The following NOMO1 variants were observed in gnomAD, a reference collection of about 807,000 sequenced individuals.
NOMO1 encodes nodal modulator 3.
A neutral mutation model predicts 133.8 loss-of-function variants in NOMO1; 40 were observed. The ratio of observed to expected loss-of-function variants is 0.30; its 90% CI spans 0.23 to 0.39. The LOEUF is 0.39. NOMO1 is among the 10% of genes least tolerant of loss of function. NOMO1 has a pLI of 1.00. For missense variants in NOMO1, 462 were observed against 1,419.9 expected, an observed-to-expected ratio of 0.33 and a Z score of 10.84; for synonymous variants, 236 against 570.5, an observed-to-expected ratio of 0.41 and a Z score of 8.36.
chr16:14,895,609 G>T lies in NOMO1; in HGVS notation c.3633G>T (p.Lys1211Asn). 6.2e-7 allele frequency: 1 copy of T among 1,612,054 alleles called. No homozygotes were observed. The highest frequency in any genetic ancestry group is 1.7e-5 in the Admixed American group (1 of 60,028). Residue 1211 changes from lysine (K) to asparagine (N), a missense_variant, in exon 31 of 31, where the codon AAG becomes AAT. Coordinates refer to ENST00000287667, the MANE Select transcript of NOMO1 (RefSeq NM_014287.4). The part of the protein sequence containing the change: ...ASDNSGPEDA[K>N]RQAKKQKTRR... ...ACAATAGCGGCCCAGAAGATGCAAA[G>T]AGACAAGCCAAGAAACAGAAGACAA...
chr16:14,868,806 AC>A (rs1327385383), intron 16 of NOMO1, among the ~76,000 whole-genome samples, 171 bp downstream of exon 16: 2 of 150,818 alleles, frequency 1.3e-5, no homozygotes, highest in Non-Finnish European at 2.9e-5. Context: ...TTGGGTAGAC[AC>A]CACTGGGCCC....
At chr16:14,882,812 T>C in intron 26 of NOMO1, 135 bp downstream of exon 26, 1 of 1,506,918 alleles carries the variant, frequency 6.6e-7, no homozygotes, top group Non-Finnish European at 9.0e-7. Flanking sequence ...CCTCTTAGAA[T>C]AGTGTCATCT....
In NOMO1 at chr16:14,864,995, C is replaced by T. The variant is rs758331765; in HGVS notation, c.1538-29C>T. 2.5e-6 allele frequency: 4 copies of T among 1,609,256 alleles called. No individual in the cohort carries two copies. The South Asian group carries it at 4.4e-5, about 18-fold the overall frequency. ...TGTGCTGAAGCCTTATAAGGGGTCA[C>T]ATGGAGCCCTCCCTTCTTTTCCCTG... On this transcript the variant is annotated intron_variant, in intron 13 of 30. Transcript: ENST00000287667.
chr16:14,874,704 A>C (rs1964128929), intron 18 of NOMO1, among the ~76,000 whole-genome samples: 1 of 152,010 alleles, frequency 6.6e-6, no homozygotes, highest in South Asian at 2.1e-4. Flanking sequence ...CTATCAGAGC[A>C]GTTCTCAGCG....
intron 1 of NOMO1, among the ~76,000 whole-genome samples, chr16:14,836,857 C>T (rs1441152076): frequency 6.6e-6 from 1 of 151,132 alleles, no homozygotes; most frequent in Admixed American, 6.6e-5. Context: ...AGGCGCCCGC[C>T]ACCGCGCCCG....
At chr16:14,850,292 G>A (rs879176041) in intron 6 of NOMO1, among the ~76,000 whole-genome samples, 1 of 151,960 alleles carries the variant, frequency 6.6e-6, no homozygotes, top group African/African-American at 2.4e-5. Flanking sequence ...GAAAAATTAT[G>A]AAGACATGTA....
intron 24 of NOMO1, 74 bp downstream of exon 24, chr16:14,880,216 A>ATGCGTTTCC: frequency 2.4e-6 from 3 of 1,265,206 alleles, no homozygotes; most frequent in Non-Finnish European, 3.3e-6. Flanking sequence ...GTTGCCTGGA[A>ATGCGTTTCC]ACGCATCCCA....
intron 9 of NOMO1, among the ~76,000 whole-genome samples, chr16:14,856,386 G>A (rs1267050312): frequency 1.3e-5 from 2 of 151,968 alleles, no homozygotes; most frequent in African/African-American, 2.4e-5. Flanking sequence ...CCACGTGTGA[G>A]CCAGTGATGG....
intron 23 of NOMO1, 144 bp from the exon 24 acceptor site, chr16:14,879,871 T>A: frequency 6.5e-7 from 1 of 1,540,602 alleles, no homozygotes; most frequent in Non-Finnish European, 8.9e-7. Context: ...GAGTGGTGAT[T>A]ATAGAGAGAG....
At position 14,864,672 on chromosome 16, in the gene NOMO1, G is replaced by A. The variant is rs1354866033; in HGVS notation, c.1483G>A (p.Asp495Asn). Residue 495 changes from aspartate (D) to asparagine (N), a missense_variant, in exon 13 of 31, where the codon GAT (aspartate) becomes AAT (asparagine). By Grantham distance (23) the Asp-to-Asn change is conservative. Coordinates refer to ENST00000287667, the MANE Select transcript of NOMO1 (RefSeq NM_014287.4). ...TACTGTGACCAACAGGCCCATGATG[G>A]ATGTGGCCTTTGTACAGTTCTTGGC... ...PLTVTNRPMMDVAFVQFLASV... is the reference protein window; with the variant it reads ...PLTVTNRPMMNVAFVQFLASV... 6.2e-7 allele frequency: 1 copy of A among 1,613,040 alleles called. No individual in the cohort carries two copies. The highest frequency in any genetic ancestry group is 2.2e-5 in the East Asian group (1 of 44,882).
At chr16:14,836,072 C>A (rs1284705051) in intron 1 of NOMO1, among the ~76,000 whole-genome samples, 2 of 152,060 alleles carry the variant, frequency 1.3e-5, no homozygotes, top group East Asian at 1.9e-4. Flanking sequence ...AAACCGGGTT[C>A]TTTATTTCTC....
rs1423680803 is a variant in NOMO1, at chr16:14,857,139, C to T, written c.964-78C>T. ...AGGAGCAGACATGGTAGGTGGTGGC[C>T]GGCGCAGCAGAAGGAGTCTTTGTGG... On this transcript the variant is annotated intron_variant, in intron 9 of 30. Coordinates refer to ENST00000287667, the MANE Select transcript of NOMO1 (RefSeq NM_014287.4). 30 of 1,604,676 alleles carry T rather than the reference C, an allele frequency of 1.9e-5. No individual in the cohort carries two copies. The East Asian group carries it at 2.2e-4, about 12-fold the overall frequency.
intron 13 of NOMO1, 38 bp from the exon 14 acceptor site, chr16:14,864,986 A>G (rs767811681): frequency 1.9e-6 from 3 of 1,609,552 alleles, no homozygotes; most frequent in South Asian, 2.2e-5. Flanking sequence ...GAAGCCTTAT[A>G]AGGGGTCACA....
chr16:14,842,454 C>T (rs1215747142), intron 3 of NOMO1, among the ~76,000 whole-genome samples: 2,356 of 147,218 alleles, frequency 0.016, no homozygotes, highest in African/African-American at 0.058. Context: ...CAGCCCTGCT[C>T]ATGGCCAAAG....
At chr16:14,879,252 C>T (rs968046232) in intron 23 of NOMO1, among the ~76,000 whole-genome samples, 17 of 151,738 alleles carry the variant, frequency 1.1e-4, no homozygotes, top group Non-Finnish European at 1.8e-4. Context: ...GTCGGAGGCC[C>T]TGACTGGTGG....
At chr16:14,893,810 A>G (rs1247372625) in intron 29 of NOMO1, among the ~76,000 whole-genome samples, 1 of 151,848 alleles carries the variant, frequency 6.6e-6, no homozygotes, top group Admixed American at 6.5e-5. Context: ...AAGAACTCAC[A>G]AGCTACACAT....
At chr16:14,868,500 G>A (rs373015810) in intron 15 of NOMO1, 48 bp from the exon 16 acceptor site, 7 of 1,513,530 alleles carry the variant, frequency 4.6e-6, no homozygotes, top group Non-Finnish European at 6.4e-6. Context: ...AATCATCTTG[G>A]TGTCTCCATC....
At chr16:14,892,419 A>G (rs1191210611) in intron 29 of NOMO1, among the ~76,000 whole-genome samples, 5 of 151,450 alleles carry the variant, frequency 3.3e-5, no homozygotes, top group African/African-American at 1.2e-4. Flanking sequence ...TCAGGGACAC[A>G]CCTGGGAGCC....
At chr16:14,874,490 C>G (rs561585988) in intron 18 of NOMO1, among the ~76,000 whole-genome samples, 15 of 152,200 alleles carry the variant, frequency 9.9e-5, no homozygotes, top group Non-Finnish European at 1.9e-4. Context: ...GTCACCTTAT[C>G]AGAAAGGCCT....
Sources: allele counts gnomAD v4.1 joint callset (sites outside exome capture counted in the v4.1 genomes callset), GRCh38; gene constraint gnomAD v4.1.1; transcripts MANE v1.5; gene names NCBI Gene and HGNC (gene_info 2026-07-23, HGNC 2026-07-21).